Variants in FARP1 observed in about 807,000 individuals in gnomAD.
FARP1 encodes the protein FERM, ARH/RhoGEF and pleckstrin domain protein 1, also known as FERM, ARHGEF and pleckstrin domain-containing protein 1.
FARP1 carries 52 observed loss-of-function variants against 128.8 expected under a neutral mutation model. The ratio of observed to expected loss-of-function variants is 0.40; its 90% CI spans 0.32 to 0.51. The LOEUF (loss-of-function observed/expected upper bound fraction) is 0.51. FARP1 is among the 20% of genes least tolerant of loss of function. FARP1 has a pLI of 0.45. For missense variants in FARP1, 1,333 were observed against 1,367.9 expected (o/e 0.97, Z 0.40); for synonymous variants, 580 against 551.8 (o/e 1.05, Z -0.72).
intron 2 of FARP1, among the ~76,000 whole-genome samples, chr13:98,325,824 C>T (rs148304093): frequency 6.6e-6 from 1 of 152,348 alleles, no homozygotes; most frequent in East Asian, 1.9e-4. Flanking sequence ...AGTTATATCT[C>T]TTGTTTAAAA....
chr13:98,273,899 C>A (rs1181913725), intron 2 of FARP1, among the ~76,000 whole-genome samples: 2 of 152,274 alleles, frequency 1.3e-5, no homozygotes, highest in Admixed American at 1.3e-4. Flanking sequence ...CTTTCCCCCA[C>A]AAAAGGAAGT....
At chr13:98,210,545 T>C (rs555373147) in intron 1 of FARP1, among the ~76,000 whole-genome samples, 9 of 115,032 alleles carry the variant, frequency 7.8e-5, no homozygotes, top group African/African-American at 2.9e-4. Flanking sequence ...TCTTTTTCGT[T>C]TTTCTATCTT....
intron 24 of FARP1, 106 bp downstream of exon 24, chr13:98,440,942 C>T: frequency 8.9e-7 from 1 of 1,120,286 alleles, no homozygotes; most frequent in Non-Finnish European, 1.3e-6. Flanking sequence ...CTGTGGGTGG[C>T]CCCACCTACC....
At chr13:98,356,487 CTG>C (rs1566912456) in intron 3 of FARP1, among the ~76,000 whole-genome samples, 1 of 152,164 alleles carries the variant, frequency 6.6e-6, no homozygotes, top group Non-Finnish European at 1.5e-5. Flanking sequence ...CGGTGCATGA[CTG>C]TTTCTCCTTG....
chr13:98,287,956 C>G (rs1566836552), intron 2 of FARP1, among the ~76,000 whole-genome samples: 1 of 152,066 alleles, frequency 6.6e-6, no homozygotes, highest in Non-Finnish European at 1.5e-5. Context: ...CACCCACCAC[C>G]ATGCCCGGCT....
intron 1 of FARP1, among the ~76,000 whole-genome samples, chr13:98,193,347 C>A (rs571993668): frequency 6.6e-6 from 1 of 152,184 alleles, no homozygotes; most frequent in African/African-American, 2.4e-5. Context: ...TGAGCCACTA[C>A]GCCCAGCCAA....
chr13:98,302,799 C>G (rs1594376646), intron 2 of FARP1, among the ~76,000 whole-genome samples: 1 of 152,158 alleles, frequency 6.6e-6, no homozygotes, highest in South Asian at 2.1e-4. Context: ...AGGAGCAGCT[C>G]TTATCTGCAG....
At chr13:98,205,683 G>A (rs778265220) in intron 1 of FARP1, among the ~76,000 whole-genome samples, 7 of 151,988 alleles carry the variant, frequency 4.6e-5, no homozygotes, top group Admixed American at 6.6e-5. Context: ...GTGAGCCACC[G>A]TGCCCAGCCA....
At position 98,337,071 on chromosome 13, in the gene FARP1, TA is replaced by T. The variant is rs750863272; in HGVS notation, c.172-6688del. On this transcript the variant is annotated intron_variant, in intron 2 of 26. Coordinates refer to ENST00000319562, the MANE Select transcript of FARP1 (RefSeq NM_005766.4). ...CCAGCACAAACCCTTGAGGACATCATAAACATTCATTTGGGCCAGGTGCACT... is the reference window on the plus strand; with the variant it reads ...CCAGCACAAACCCTTGAGGACATCATAACATTCATTTGGGCCAGGTGCACT... Among the ~76,000 whole-genome samples, 57 of 152,246 alleles carry T rather than the reference TA, an allele frequency of 3.7e-4. 1 individual carries two copies. The highest frequency in any genetic ancestry group is 2.3e-3 in the South Asian group (11 of 4,824).
At chr13:98,412,303 C>T (rs751763906) in intron 16 of FARP1, among the ~76,000 whole-genome samples, 15 of 152,134 alleles carry the variant, frequency 9.9e-5, no homozygotes, top group Non-Finnish European at 2.2e-4. Context: ...TAAAGACAGT[C>T]GTTACTTCTG....
intron 5 of FARP1, among the ~76,000 whole-genome samples, chr13:98,376,920 G>T (rs539616422): frequency 3.1e-4 from 47 of 152,144 alleles, no homozygotes; most frequent in African/African-American, 1.1e-3. Context: ...CCTGTTTGCT[G>T]TTGCACAGTT....
chr13:98,435,255 A>G, intron 18 of FARP1: 1 of 193,876 alleles, frequency 5.2e-6, no homozygotes, highest in Non-Finnish European at 1.1e-5. Flanking sequence ...GTCTCTACCC[A>G]GGGACAAAAT....
At chr13:98,346,476 G>A (rs956496173) in intron 3 of FARP1, among the ~76,000 whole-genome samples, 7 of 151,812 alleles carry the variant, frequency 4.6e-5, no homozygotes, top group African/African-American at 1.7e-4. Flanking sequence ...CGGGTGTGGT[G>A]GCTCATGCCT....
At position 98,452,197 on chromosome 13, in the gene FARP1, C is replaced by T. The variant is rs777987838; in HGVS notation, c.*3880C>T. 6.6e-6 allele frequency: 1 copy of T among 152,204 alleles called. No individual in the cohort carries two copies. The highest frequency in any genetic ancestry group is 1.5e-5 in the Non-Finnish European group (1 of 68,046). The allele number at this position is 152,204 out of a possible 1,614,324, so 9.4% of individuals were successfully genotyped here. A position where few individuals can be genotyped will look rare whatever the true frequency, so the allele number is the denominator to read the frequency against. On this transcript the variant is annotated 3_prime_UTR_variant, in exon 27 of 27. Coordinates refer to ENST00000319562, the MANE Select transcript of FARP1 (RefSeq NM_005766.4). ...AAATTTATTTGTGTAAGCATTCAGA[C>T]ATTTTTAGGTGGGAAAGATGATATG...
chr13:98,232,724 T>C (rs1882202565), intron 2 of FARP1, among the ~76,000 whole-genome samples: 1 of 152,328 alleles, frequency 6.6e-6, no homozygotes, highest in African/African-American at 2.4e-5. Context: ...TATTGAAATA[T>C]TTGCTTTATT....
At chr13:98,362,823 A>G (rs1391031660) in intron 3 of FARP1, among the ~76,000 whole-genome samples, 1 of 152,224 alleles carries the variant, frequency 6.6e-6, no homozygotes, top group African/African-American at 2.4e-5. Context: ...AGGTGGCACC[A>G]GTGTCTGCCC....
At chr13:98,425,216 A>T (rs2140154185) in intron 17 of FARP1, among the ~76,000 whole-genome samples, 1 of 152,110 alleles carries the variant, frequency 6.6e-6, no homozygotes, top group Admixed American at 6.6e-5. Context: ...AAAAAAAAAA[A>T]GATGTGGACA....
At chr13:98,185,855 G>A (rs1878829137) in intron 1 of FARP1, among the ~76,000 whole-genome samples, 1 of 151,916 alleles carries the variant, frequency 6.6e-6, no homozygotes, top group African/African-American at 2.4e-5. Flanking sequence ...GTGCCACCAT[G>A]CCCGGCTAAT....
rs1272124433 is a variant in FARP1 at position 98,176,921 on chromosome 13, C to G, written c.-24+33429C>G. On this transcript the variant is annotated intron_variant, in intron 1 of 26. Coordinates refer to ENST00000319562, the MANE Select transcript of FARP1 (RefSeq NM_005766.4). This position sits in a 1 kb window ranked among gnomAD's most constrained non-coding sequence, Gnocchi z 6.2. ...AAGTCAGCGGTGGCCCCCATGTCCT[C>G]TGGCCCCACAGGCTTCGCCGAGCGG... 3 of 1,605,210 alleles carry G rather than the reference C, an allele frequency of 1.9e-6. No homozygotes were observed. Among genetic ancestry groups the G allele is most frequent in the Non-Finnish European group, 2.5e-6 (3 of 1,179,936 alleles).
Sources: gnomAD v4.1 joint callset for allele counts (sites outside exome capture counted in the v4.1 genomes callset) on GRCh38, gnomAD v4.1.1 for gene constraint, Gnocchi (gnomAD v3.1) non-coding constraint, MANE v1.5 for transcripts, NCBI Gene and HGNC (gene_info 2026-07-23, HGNC 2026-07-21) for gene names.